MALRD1: variants seen among roughly 807,000 people sequenced by gnomAD.
The protein encoded by MALRD1 is MAM and LDL receptor class A domain containing 1.
Under a neutral mutation model 242.1 loss-of-function variants are expected in MALRD1, and 247 were observed. That is an observed-to-expected ratio of 1.02 (90% confidence interval 0.92 to 1.13). MALRD1 has a LOEUF of 1.13. Ranked by LOEUF, MALRD1 falls within the 50% of genes most tolerant of loss-of-function variation. The pLI is 0.00. For synonymous variants in MALRD1, 995 were observed against 866.6 expected, an observed-to-expected ratio of 1.15 and a Z score of -2.60; for missense variants, 2,989 against 2,533.1, an observed-to-expected ratio of 1.18 and a Z score of -3.86.
intron 36 of MALRD1, among the ~76,000 whole-genome samples, chr10:19,632,315 C>T (rs1004665361): frequency 9.2e-5 from 14 of 152,220 alleles, no homozygotes; most frequent in African/African-American, 3.4e-4. Context: ...GTCCTTCCAC[C>T]TTCCAATCTC....
intron 29 of MALRD1, among the ~76,000 whole-genome samples, chr10:19,483,015 G>A (rs1287986786): frequency 6.6e-6 from 1 of 151,922 alleles, no homozygotes; most frequent in Non-Finnish European, 1.5e-5. Context: ...AACAAAGCTA[G>A]AGTCATCACA....
intron 29 of MALRD1, among the ~76,000 whole-genome samples, chr10:19,460,554 C>A (rs979053665): frequency 3.3e-5 from 5 of 151,942 alleles, no homozygotes. Flanking sequence ...GAGCAAGCCA[C>A]TGAAATCATA....
intron 21 of MALRD1, among the ~76,000 whole-genome samples, chr10:19,292,626 T>C (rs2496060): frequency 0.28 from 42,806 of 151,862 alleles, 6,271 homozygotes; most frequent in South Asian, 0.45. Flanking sequence ...GGCGGGGTGG[T>C]TCACGCCTGT....
intron 31 of MALRD1, among the ~76,000 whole-genome samples, chr10:19,507,401 G>A (rs1039157582): frequency 1.3e-5 from 2 of 152,010 alleles, no homozygotes; most frequent in African/African-American, 2.4e-5. Flanking sequence ...AAGTATGAAC[G>A]TGATCAAATC....
intron 31 of MALRD1, among the ~76,000 whole-genome samples, chr10:19,516,249 A>G (rs1443084418): frequency 2.0e-5 from 3 of 152,192 alleles, no homozygotes; most frequent in Admixed American, 6.5e-5. Context: ...GTTAGTTTCT[A>G]TCTTAGAGTT....
chr10:19,466,968 T>C (rs1201525785), intron 29 of MALRD1, among the ~76,000 whole-genome samples: 2 of 152,096 alleles, frequency 1.3e-5, no homozygotes, highest in Non-Finnish European at 2.9e-5. Context: ...TAGGGATGTT[T>C]AACATGTTCA....
intron 19 of MALRD1, among the ~76,000 whole-genome samples, chr10:19,267,432 T>C (rs1241325588): frequency 6.6e-6 from 1 of 151,808 alleles, no homozygotes; most frequent in Non-Finnish European, 1.5e-5. Flanking sequence ...ACATTAAATG[T>C]GTTGTTTTGT....
chr10:19,482,095 A>G (rs1210811777), intron 29 of MALRD1, among the ~76,000 whole-genome samples: 1 of 151,914 alleles, frequency 6.6e-6, no homozygotes, highest in Non-Finnish European at 1.5e-5. Flanking sequence ...GATTATTCTT[A>G]TTATTCTCGT....
At chr10:19,356,320 T>C (rs1298390110) in intron 26 of MALRD1, among the ~76,000 whole-genome samples, 1 of 152,102 alleles carries the variant, frequency 6.6e-6, no homozygotes, top group Non-Finnish European at 1.5e-5. Flanking sequence ...AGTGGTATCT[T>C]GAACAAATGA....
chr10:19,661,331 C>G (rs180915411), intron 36 of MALRD1, among the ~76,000 whole-genome samples: 231 of 152,276 alleles, frequency 1.5e-3, no homozygotes, highest in Non-Finnish European at 2.8e-3. Context: ...AAGACACATG[C>G]ACACGTATGT....
rs542881407 is a variant in MALRD1, at chr10:19,368,305, C to T, written c.4441+16008C>T. 5.3e-5 allele frequency among the ~76,000 whole-genome samples: 8 copies of T among 152,012 alleles called. No homozygotes were observed. In the East Asian group the frequency reaches 1.4e-3, roughly 26 times the overall value. On this transcript the variant is annotated intron_variant, in intron 26 of 39. Transcript: ENST00000454679. ...TTTTAATTTTGTATAGGCTGAGAGGCGGGGGCCTAGTTTCCTTCTTCTGCA... is the reference window on the plus strand; with the variant it reads ...TTTTAATTTTGTATAGGCTGAGAGGTGGGGGCCTAGTTTCCTTCTTCTGCA...
chr10:19,146,405 A>C, intron 11 of MALRD1, 61 bp downstream of exon 11: 1 of 1,181,324 alleles, frequency 8.5e-7, no homozygotes, highest in South Asian at 4.4e-5. Flanking sequence ...TGGAATGATG[A>C]TACTGTGTAT....
At chr10:19,063,819 G>A (rs1834893091) in intron 1 of MALRD1, among the ~76,000 whole-genome samples, 2 of 151,820 alleles carry the variant, frequency 1.3e-5, no homozygotes, top group South Asian at 2.1e-4. Flanking sequence ...GGGAGGGATA[G>A]CATTAGGAGA....
chr10:19,318,807 G>A (rs1332024907), intron 21 of MALRD1, among the ~76,000 whole-genome samples: 3 of 151,796 alleles, frequency 2.0e-5, no homozygotes, highest in African/African-American at 7.3e-5. Flanking sequence ...AATTCACTTG[G>A]TTATTTTGCC....
intron 19 of MALRD1, among the ~76,000 whole-genome samples, chr10:19,275,282 G>A (rs1036473730): frequency 1.3e-5 from 2 of 152,164 alleles, no homozygotes; most frequent in Admixed American, 1.3e-4. Context: ...TTCAGTCGAT[G>A]TCTTCTTTGT....
At chr10:19,541,859 C>T (rs1420443623) in intron 32 of MALRD1, among the ~76,000 whole-genome samples, 1 of 152,076 alleles carries the variant, frequency 6.6e-6, no homozygotes, top group Non-Finnish European at 1.5e-5. Context: ...TATGTATCTT[C>T]CATTGTGAAT....
chr10:19,497,688 G>T (rs1325626759), intron 30 of MALRD1, among the ~76,000 whole-genome samples: 1 of 152,000 alleles, frequency 6.6e-6, no homozygotes, highest in African/African-American at 2.4e-5. Context: ...AAAAAGAAAG[G>T]AAAAGTCAAT....
chr10:19,094,130 C>G (rs1468364654), intron 4 of MALRD1, among the ~76,000 whole-genome samples: 31 of 110,378 alleles, frequency 2.8e-4, no homozygotes, highest in South Asian at 1.7e-3. Context: ...CCAGTTGGAG[C>G]TTCCCGGCTG....
chr10:19,298,883 A>C (rs1564541053), intron 21 of MALRD1, among the ~76,000 whole-genome samples: 2 of 152,084 alleles, frequency 1.3e-5, no homozygotes, highest in East Asian at 1.9e-4. Flanking sequence ...AGATAACATC[A>C]TCCAGACCCT....
Sources: gnomAD v4.1 joint callset for allele counts (sites outside exome capture counted in the v4.1 genomes callset) on GRCh38, gnomAD v4.1.1 for gene constraint, MANE v1.5 for transcripts, NCBI Gene and HGNC (gene_info 2026-07-23, HGNC 2026-07-21) for gene names.